The following AHR variants were observed in gnomAD, a reference collection of about 807,000 sequenced individuals.
The protein encoded by AHR is AH-receptor.
AHR carries 40 observed loss-of-function variants against 86.8 expected under a neutral mutation model. That is an observed-to-expected ratio of 0.46 (90% CI 0.36 to 0.60). AHR has a LOEUF of 0.60. Ranked by LOEUF, AHR falls within the 20% of genes least tolerant of loss-of-function variation. AHR has a pLI of 0.00. For synonymous variants in AHR, 398 were observed against 354.9 expected, an observed-to-expected ratio of 1.12 and a Z score of -1.37; for missense variants, 1,001 against 1,011.6, an observed-to-expected ratio of 0.99 and a Z score of 0.14.
In AHR at chr7:17,340,019, ACTT is replaced by A. The variant is rs1782402214; in HGVS notation, c.2197_2199del (p.Ser734del). 6.2e-7 allele frequency: 1 copy of A among 1,614,018 alleles called. No homozygotes were observed. Among genetic ancestry groups the A allele is most frequent in the Non-Finnish European group, 8.5e-7 (1 of 1,180,022 alleles). ...TTTTGAACCATCCCCATACCCCACT[ACTT>A]CTAGTTTAGAAGATTTTGTCACTTG... On this transcript the variant is annotated inframe_deletion, in exon 10 of 11. Transcript: ENST00000242057.
intron 2 of AHR, among the ~76,000 whole-genome samples, chr7:17,311,097 C>T (rs937498305): frequency 3.3e-5 from 5 of 152,116 alleles, no homozygotes; most frequent in African/African-American, 7.2e-5. Context: ...TTTTTGTTTG[C>T]AAATGATGTT....
intron 6 of AHR, among the ~76,000 whole-genome samples, chr7:17,331,364 C>G (rs936296448): frequency 6.6e-6 from 1 of 151,784 alleles, no homozygotes; most frequent in African/African-American, 2.4e-5. Context: ...AATCTGCTAC[C>G]AAATAATTTG....
In AHR at chr7:17,333,472, G is replaced by A. The variant is rs1373696211; in HGVS notation, c.706-440G>A. Among the ~76,000 whole-genome samples, 4 of 151,596 alleles carry A rather than the reference G, an allele frequency of 2.6e-5. No individual in the cohort carries two copies. In the East Asian group the frequency reaches 7.7e-4, roughly 29 times the overall value. ...TAGTGTCTTAATAAAATTATATTTT[G>A]CCTCTATAGAAAAGATTATGAACTA... On this transcript the variant is annotated intron_variant, in intron 6 of 10. Coordinates refer to ENST00000242057, the MANE Select transcript of AHR (RefSeq NM_001621.5).
In AHR at chr7:17,309,377, G is replaced by C. The variant is rs568127515; in HGVS notation, c.66-559G>C. On this transcript the variant is annotated intron_variant, in intron 1 of 10. Coordinates refer to ENST00000242057, the MANE Select transcript of AHR (RefSeq NM_001621.5). Reference sequence around the variant, plus strand: ...CTTTTAATATTTGAGGACCACATTAGATGGCTGGAGGACCATCTGCAGGTG... The same window carrying C: ...CTTTTAATATTTGAGGACCACATTACATGGCTGGAGGACCATCTGCAGGTG... 5.9e-5 allele frequency among the ~76,000 whole-genome samples: 9 copies of C among 152,316 alleles called. No individual in the cohort carries two copies. In the South Asian group the frequency reaches 1.7e-3, roughly 28 times the overall value.
In AHR at chr7:17,345,771, A is replaced by G. The variant is rs1470217470; in HGVS notation, c.*2707A>G. 2 of 152,790 alleles carry G rather than the reference A, an allele frequency of 1.3e-5. No homozygotes were observed. The highest frequency in any genetic ancestry group is 2.9e-5 in the Non-Finnish European group (2 of 68,024). 9.5% of individuals were successfully genotyped at this position (152,790 alleles called of 1,614,324 possible). A position where few individuals can be genotyped will look rare whatever the true frequency, so the allele number is the denominator to read the frequency against. On this transcript the variant is annotated 3_prime_UTR_variant, in exon 11 of 11. Transcript: ENST00000242057. ...GAATAATAAAATCACGTTAAACCAA[A>G]TACACGTTTGTCTGTATTGTTAAGT...
chr7:17,309,895 T>G, intron 1 of AHR, 41 bp from the exon 2 acceptor site: 1 of 1,465,672 alleles, frequency 6.8e-7, no homozygotes, highest in Non-Finnish European at 9.2e-7. Context: ...TTGCTTTATA[T>G]TTTTTAAAGG....
At chr7:17,328,194 A>G (rs2115362860) in intron 4 of AHR, among the ~76,000 whole-genome samples, 1 of 152,058 alleles carries the variant, frequency 6.6e-6, no homozygotes, top group African/African-American at 2.4e-5. Flanking sequence ...AATGAATGAG[A>G]TGCTGTTAAA....
At chr7:17,303,909 T>TA (rs914802434) in intron 1 of AHR, among the ~76,000 whole-genome samples, 2 of 152,108 alleles carry the variant, frequency 1.3e-5, no homozygotes, top group African/African-American at 4.8e-5. Flanking sequence ...CATTTTTGCT[T>TA]AAAAAATATT....
chr7:17,337,702 C>T lies in AHR; in HGVS notation c.1161-1284C>T, dbSNP rs1461259192. ...GTTTTAGCCAGGATGGTCTCAATCT[C>T]CTGACCTCGTGATCCGCCCGCCTCA... On this transcript the variant is annotated intron_variant, in intron 9 of 10. Transcript: ENST00000242057. Among the ~76,000 whole-genome samples, 3 of 150,858 alleles carry T rather than the reference C, an allele frequency of 2.0e-5. No individual in the cohort carries two copies. In the East Asian group the frequency reaches 6.0e-4, roughly 30 times the overall value.
At chr7:17,337,697 A>C (rs1168350114) in intron 9 of AHR, among the ~76,000 whole-genome samples, 4 of 149,816 alleles carry the variant, frequency 2.7e-5, no homozygotes, top group African/African-American at 9.8e-5. Flanking sequence ...GGATGGTCTC[A>C]ATCTCCTGAC....
chr7:17,315,243 C>T (rs1050627787), intron 2 of AHR, among the ~76,000 whole-genome samples: 1 of 151,914 alleles, frequency 6.6e-6, no homozygotes. Context: ...AATTTAATCT[C>T]TCTTTTCCTC....
intron 1 of AHR, among the ~76,000 whole-genome samples, chr7:17,307,218 C>G (rs1782014741): frequency 6.6e-6 from 1 of 151,888 alleles, no homozygotes; most frequent in Admixed American, 6.6e-5. Context: ...TGCCTTGTTT[C>G]AGCGTTTGTG....
chr7:17,330,775 G>T lies in AHR; in HGVS notation c.594G>T (p.Gln198His), dbSNP rs1408804325. ...CTACAGAAGCCACTGGTCTCCCCCA[G>T]ACAGTAGTCTGTTATAACCCAGACC... Reference protein sequence around the residue: ...QGIEEATGLPQTVVCYNPDQI... With the variant: ...QGIEEATGLPHTVVCYNPDQI... The change falls in exon 6 of 11, where the codon CAG becomes CAT. Residue 198 changes from glutamine to histidine, a missense_variant. Physicochemically the swap from Gln to His is conservative, Grantham distance 24. Around this residue, in one of 2 missense-constraint regions of AHR, gnomAD observed 394 missense variants for 468.5 expected, o/e 0.84. Coordinates refer to ENST00000242057, the MANE Select transcript of AHR (RefSeq NM_001621.5). The T allele has an allele frequency of 2.5e-6, 4 of 1,610,492 alleles. No homozygotes were observed. The East Asian group carries it at 8.9e-5, about 36-fold the overall frequency.
chr7:17,334,619 A>T (rs984103590), intron 7 of AHR, among the ~76,000 whole-genome samples: 7 of 152,046 alleles, frequency 4.6e-5, no homozygotes, highest in Non-Finnish European at 8.8e-5. Flanking sequence ...TTACCCATAC[A>T]TCTGCTCTAT....
chr7:17,325,049 A>C (rs1388425919), intron 3 of AHR, among the ~76,000 whole-genome samples: 1 of 152,200 alleles, frequency 6.6e-6, no homozygotes, highest in African/African-American at 2.4e-5. Context: ...TCTCTGAAAT[A>C]ATAAGTGAGC....
At chr7:17,307,280 G>A (rs769874527) in intron 1 of AHR, among the ~76,000 whole-genome samples, 8 of 152,086 alleles carry the variant, frequency 5.3e-5, no homozygotes, top group East Asian at 3.9e-4. Context: ...GCCACCAAGA[G>A]TGCAGGACTG....
rs761107362 is a variant in AHR at position 17,330,030 on chromosome 7, G to C, written c.529G>C (p.Ala177Pro). The C allele has an allele frequency of 4.3e-6, 7 of 1,611,212 alleles. No homozygotes were observed. The African/African-American group carries it at 9.4e-5, about 22-fold the overall frequency. The change falls in exon 5 of 11, where the codon GCA (alanine) becomes CCA (proline). Residue 177 changes from alanine to proline, a missense_variant. Ala to Pro is a conservative substitution (Grantham distance 27). Coordinates refer to ENST00000242057, the MANE Select transcript of AHR (RefSeq NM_001621.5). ...TGAATTTCAGCGTCAGCTACACTGGGCATTAAATCCTTCTCAGTGTACAGA... is the reference window on the plus strand; with the variant it reads ...TGAATTTCAGCGTCAGCTACACTGGCCATTAAATCCTTCTCAGTGTACAGA... ...RAEFQRQLHW[A>P]LNPSQCTESG...
At chr7:17,329,218 G>GTT (rs1562479816) in intron 4 of AHR, among the ~76,000 whole-genome samples, 1 of 151,876 alleles carries the variant, frequency 6.6e-6, no homozygotes, top group African/African-American at 2.4e-5. Context: ...CTATCAAACT[G>GTT]TTTTTTAGTT....
intron 9 of AHR, among the ~76,000 whole-genome samples, chr7:17,337,637 G>C (rs995114913): frequency 2.0e-5 from 3 of 151,266 alleles, no homozygotes; most frequent in African/African-American, 4.8e-5. Flanking sequence ...ACTACGCCCG[G>C]CTAATTTTTT....
Sources: allele counts gnomAD v4.1 joint callset (sites outside exome capture counted in the v4.1 genomes callset), GRCh38; gene constraint gnomAD v4.1.1; regional missense constraint gnomAD v4.1.1; transcripts MANE v1.5; gene names NCBI Gene and HGNC (gene_info 2026-07-23, HGNC 2026-07-21).